ASAH2: variants seen among roughly 807,000 people sequenced by gnomAD.
ASAH2 encodes the protein neutral ceramidase.
Under a neutral mutation model 82.9 loss-of-function variants are expected in ASAH2, and 58 were observed. The observed-to-expected ratio is 0.70, with a 90% CI of 0.57 to 0.87. The LOEUF is 0.87. Among genes scored for constraint, ASAH2 ranks in the 40% least tolerant of loss-of-function variants. The probability of loss-of-function intolerance (pLI) is 0.00; values close to 1 mark genes in which losing one functional copy is unlikely to be tolerated. For synonymous variants in ASAH2, 276 were observed against 289.7 expected, an observed-to-expected ratio of 0.95 and a Z score of 0.48; for missense variants, 779 against 834.0, an observed-to-expected ratio of 0.93 and a Z score of 0.81.
chr10:50,249,166 CTA>C (rs992227671), intron 1 of ASAH2, among the ~76,000 whole-genome samples: 5 of 152,124 alleles, frequency 3.3e-5, no homozygotes, highest in Non-Finnish European at 7.3e-5. Flanking sequence ...CCTTTACACT[CTA>C]TGTTTTAACT....
chr10:50,239,622 T>C (rs1846242775), intron 4 of ASAH2, among the ~76,000 whole-genome samples: 2 of 152,136 alleles, frequency 1.3e-5, no homozygotes, highest in Non-Finnish European at 2.9e-5. Flanking sequence ...TTCCTAGCTG[T>C]GCAACCTTGG....
At chr10:50,193,263 A>C (rs1240411922) in intron 18 of ASAH2, among the ~76,000 whole-genome samples, 2 of 151,724 alleles carry the variant, frequency 1.3e-5, no homozygotes, top group Non-Finnish European at 3.0e-5. Flanking sequence ...AGAACCCTGT[A>C]ATCCACCAGC....
At chr10:50,197,510 T>G (rs1257173945) in intron 17 of ASAH2, among the ~76,000 whole-genome samples, 1 of 151,960 alleles carries the variant, frequency 6.6e-6, no homozygotes, top group African/African-American at 2.4e-5. Flanking sequence ...ATATCTATAT[T>G]AGGTTGGTAC....
chr10:50,240,182 G>C (rs1846260768), intron 4 of ASAH2, among the ~76,000 whole-genome samples: 1 of 151,982 alleles, frequency 6.6e-6, no homozygotes. Flanking sequence ...CCATCACATT[G>C]GTTTAAGATC....
Position 50,235,774 on chromosome 10 carries a change from T to C in ASAH2, c.687+114A>G, listed in dbSNP as rs1311200391. 10 of 1,146,598 alleles carry C rather than the reference T, an allele frequency of 8.7e-6. No individual in the cohort carries two copies. The East Asian group carries it at 2.1e-4, about 24-fold the overall frequency. The allele number at this position is 1,146,598 out of a possible 1,614,324, so 71.0% of individuals were successfully genotyped here. A position where few individuals can be genotyped will look rare whatever the true frequency, so the allele number is the denominator to read the frequency against. ...AGGGAGGAGAAAGAATTGTACATGC[T>C]AATACTATGCTCAGACCCAAATCCT... On this transcript the variant is annotated intron_variant, in intron 5 of 20. Coordinates refer to ENST00000682911, the MANE Select transcript of ASAH2 (RefSeq NM_019893.4).
intron 7 of ASAH2, among the ~76,000 whole-genome samples, chr10:50,221,755 T>C (rs1236814523): frequency 6.6e-6 from 1 of 151,940 alleles, no homozygotes; most frequent in East Asian, 1.9e-4. Context: ...TAGAGATATA[T>C]GCTCTTATCC....
intron 15 of ASAH2, 45 bp downstream of exon 15, chr10:50,203,595 C>T: frequency 3.9e-6 from 4 of 1,024,086 alleles, no homozygotes; most frequent in Non-Finnish European, 5.9e-6. Context: ...CTTTCCTCTT[C>T]ACCAAACATG....
At chr10:50,236,260 T>C (rs1187539062) in intron 4 of ASAH2, among the ~76,000 whole-genome samples, 196 bp from the exon 5 acceptor site, 1 of 152,120 alleles carries the variant, frequency 6.6e-6, no homozygotes, top group African/African-American at 2.4e-5. Context: ...CAGTTCAGCA[T>C]GACTGGGGAG....
chr10:50,240,191 T>A (rs1482785814), intron 4 of ASAH2, among the ~76,000 whole-genome samples: 2 of 152,144 alleles, frequency 1.3e-5, no homozygotes, highest in Non-Finnish European at 2.9e-5. Flanking sequence ...TGGTTTAAGA[T>A]CTTTGTGCCA....
intron 4 of ASAH2, among the ~76,000 whole-genome samples, chr10:50,239,146 C>G (rs1307027382): frequency 6.6e-6 from 1 of 152,120 alleles, no homozygotes; most frequent in Non-Finnish European, 1.5e-5. Context: ...TTCTGTCATG[C>G]CTCACTGCAC....
chr10:50,214,643 A>G, intron 9 of ASAH2, 100 bp downstream of exon 9: 1 of 1,451,548 alleles, frequency 6.9e-7, no homozygotes, highest in South Asian at 1.2e-5. Flanking sequence ...AGGCCAGTGT[A>G]TACTAGAAGA....
chr10:50,209,631 A>C (rs994750025), intron 12 of ASAH2, among the ~76,000 whole-genome samples: 4 of 152,064 alleles, frequency 2.6e-5, no homozygotes, highest in African/African-American at 9.7e-5. Context: ...ATATTTTTAT[A>C]TCACACATCT....
chr10:50,198,083 A>G (rs898747747), intron 17 of ASAH2, among the ~76,000 whole-genome samples: 6 of 152,130 alleles, frequency 3.9e-5, no homozygotes, highest in African/African-American at 1.2e-4. Flanking sequence ...TCAGTAACTA[A>G]TAATACAGGC....
At chr10:50,193,526 G>A (rs1844896590) in intron 18 of ASAH2, among the ~76,000 whole-genome samples, 1 of 151,324 alleles carries the variant, frequency 6.6e-6, no homozygotes, top group South Asian at 2.1e-4. Context: ...CAGAATTACA[G>A]AGAACAGTCC....
chr10:50,204,820 A>G (rs1845251721), intron 14 of ASAH2, 41 bp downstream of exon 14: 1 of 1,425,126 alleles, frequency 7.0e-7, no homozygotes, highest in Non-Finnish European at 9.8e-7. Context: ...AGAACATACA[A>G]CAAACACATT....
At chr10:50,244,727 T>G (rs963626947) in intron 3 of ASAH2, among the ~76,000 whole-genome samples, 1 of 152,354 alleles carries the variant, frequency 6.6e-6, no homozygotes, top group Non-Finnish European at 1.5e-5. Flanking sequence ...AATCTTCAAC[T>G]CTTTAATCTG....
In ASAH2 at chr10:50,226,751, A is replaced by C. The variant is rs969657812; in HGVS notation, c.893+6433T>G. The stretch of plus-strand genomic sequence containing the variant: ...AATAATAATAAAGTCTATTGAAAAA[A>C]AAACTATGCCCAGCACTGGCACGGT... On this transcript the variant is annotated intron_variant, in intron 7 of 20. Coordinates refer to ENST00000682911, the MANE Select transcript of ASAH2 (RefSeq NM_019893.4). Among the ~76,000 whole-genome samples, 25 of 152,266 alleles carry C rather than the reference A, an allele frequency of 1.6e-4. No homozygotes were observed. In the South Asian group the frequency reaches 5.2e-3, roughly 32 times the overall value.
chr10:50,245,327 A>G lies in ASAH2; in HGVS notation c.255T>C (p.Ser85=). 1.2e-6 allele frequency: 2 copies of G among 1,613,920 alleles called. No individual in the cohort carries two copies. Among genetic ancestry groups the G allele is most frequent in the Non-Finnish European group, 1.7e-6 (2 of 1,179,976 alleles). The change falls in exon 3 of 21, where the codon TCT becomes TCC. Residue 85 remains serine, a synonymous_variant. Transcript: ENST00000682911. ...ATQSSTATQT[S]PVPLTPESPL... The stretch of plus-strand genomic sequence containing the variant: ...GAGACTCTGGGGTTAAAGGCACTGG[A>G]GAAGTTTGAGTGGCTGTGGAGCTCT...
At chr10:50,216,066 A>G (rs1292002767) in intron 8 of ASAH2, among the ~76,000 whole-genome samples, 2 of 151,902 alleles carry the variant, frequency 1.3e-5, no homozygotes, top group East Asian at 1.9e-4. Context: ...CAAGAACAGA[A>G]AACCAAACAC....
Sources: gnomAD v4.1 joint callset for allele counts (sites outside exome capture counted in the v4.1 genomes callset) on GRCh38, gnomAD v4.1.1 for gene constraint, MANE v1.5 for transcripts, NCBI Gene and HGNC (gene_info 2026-07-23, HGNC 2026-07-21) for gene names.